The following CBX1 variants were observed in gnomAD, a reference collection of about 807,000 sequenced individuals.
CBX1 encodes chromobox protein homolog 1.
A neutral mutation model predicts 25.1 loss-of-function variants in CBX1; 10 were observed. That is an observed-to-expected ratio of 0.40 (90% CI 0.25 to 0.68). The LOEUF is 0.68. Ranked by LOEUF, CBX1 falls within the 30% of genes least tolerant of loss-of-function variation. The pLI, the probability that CBX1 is intolerant of heterozygous loss-of-function variation, is 0.40. For synonymous variants in CBX1, 63 were observed against 79.4 expected, an observed-to-expected ratio of 0.79 and a Z score of 1.10; for missense variants, 106 against 218.5, an observed-to-expected ratio of 0.49 and a Z score of 3.25.
intron 1 of CBX1, among the ~76,000 whole-genome samples, chr17:48,095,341 G>A (rs992640785): frequency 6.6e-6 from 1 of 152,186 alleles, no homozygotes; most frequent in Non-Finnish European, 1.5e-5. Context: ...TGTAATCCCA[G>A]CACTTTGGGA....
At chr17:48,093,828 T>C (rs1046245829) in intron 1 of CBX1, among the ~76,000 whole-genome samples, 1 of 152,134 alleles carries the variant, frequency 6.6e-6, no homozygotes, top group Non-Finnish European at 1.5e-5. Context: ...TATTAAGAAG[T>C]GTGGGCTTAG....
At chr17:48,096,549 A>G (rs1183386353) in intron 1 of CBX1, 1 of 181,648 alleles carries the variant, frequency 5.5e-6, no homozygotes, top group Non-Finnish European at 1.1e-5. Context: ...AGGTGGGTGG[A>G]TCACTTGAGG....
chr17:48,086,503 C>A (rs1172831116), intron 1 of CBX1, among the ~76,000 whole-genome samples: 1 of 152,186 alleles, frequency 6.6e-6, no homozygotes, highest in African/African-American at 2.4e-5. Flanking sequence ...GTAACACCTA[C>A]AGACCTAAGA....
At chr17:48,097,665 GT>G (rs1472080730) in intron 1 of CBX1, among the ~76,000 whole-genome samples, 1 of 151,408 alleles carries the variant, frequency 6.6e-6, no homozygotes, top group East Asian at 1.9e-4. Flanking sequence ...CGCACTCAAA[GT>G]GTCAACTATT....
rs1304325479 is a variant in CBX1 at position 48,070,223 on chromosome 17, A to C, written c.*1212T>G. Reference sequence around the variant, plus strand: ...AAGAACTGATGGTTCTCATGACTCAAGACAGAGCATTTTGGGTATGTTACT... The same window carrying C: ...AAGAACTGATGGTTCTCATGACTCACGACAGAGCATTTTGGGTATGTTACT... On this transcript the variant is annotated 3_prime_UTR_variant, in exon 5 of 5. Transcript: ENST00000225603. 1 of 152,684 alleles carries C rather than the reference A, an allele frequency of 6.5e-6. No homozygotes were observed. Among genetic ancestry groups the C allele is most frequent in the Non-Finnish European group, 1.5e-5 (1 of 68,052 alleles). 9.5% of individuals were successfully genotyped at this position (152,684 alleles called of 1,614,324 possible).
chr17:48,093,286 TAAAAAAAA>T (rs777087501), intron 1 of CBX1, among the ~76,000 whole-genome samples: 1 of 76,254 alleles, frequency 1.3e-5, no homozygotes, highest in Non-Finnish European at 2.9e-5. Flanking sequence ...AAAATAAAAT[TAAAAAAAA>T]AAAAAAAAGA....
chr17:48,089,260 C>A (rs2063330053), intron 1 of CBX1, among the ~76,000 whole-genome samples: 1 of 151,178 alleles, frequency 6.6e-6, no homozygotes, highest in African/African-American at 2.4e-5. Flanking sequence ...GCCACCACGC[C>A]CGGCTAATTT....
intron 1 of CBX1, among the ~76,000 whole-genome samples, chr17:48,078,472 C>T (rs1039496463): frequency 1.3e-5 from 2 of 151,794 alleles, no homozygotes; most frequent in Non-Finnish European, 2.9e-5. Flanking sequence ...GATTACAGAG[C>T]TGAGCCACCA....
chr17:48,096,699 C>T (rs2063377060), intron 1 of CBX1, among the ~76,000 whole-genome samples: 1 of 151,602 alleles, frequency 6.6e-6, no homozygotes, highest in Non-Finnish European at 1.5e-5. Flanking sequence ...CACTTGAACC[C>T]GGGAGGTGGA....
intron 1 of CBX1, chr17:48,096,341 T>C (rs2063374744): frequency 2.0e-6 from 2 of 985,144 alleles, no homozygotes; most frequent in South Asian, 4.7e-5. Context: ...GATTTTTGGG[T>C]TGAGAGGCCA....
chr17:48,077,074 G>C, intron 1 of CBX1, 33 bp from the exon 2 acceptor site: 1 of 1,524,402 alleles, frequency 6.6e-7, no homozygotes. Flanking sequence ...AAGGGCATTA[G>C]GGAGCACTCT....
rs1455937241 is a variant in CBX1, at chr17:48,076,034, T to C, written c.285A>G (p.Gly95=). The C allele has an allele frequency of 1.9e-6, 3 of 1,611,464 alleles. No individual in the cohort carries two copies. Among genetic ancestry groups the C allele is most frequent in the Non-Finnish European group, 2.5e-6 (3 of 1,178,050 alleles). Residue 95 remains glycine, a synonymous_variant, in exon 3 of 5, where the codon GGA becomes GGG. Transcript: ENST00000225603. ...RKADSDSEDK[G]EESKPKKKKE... is the part of the protein sequence containing the mutation. ...TCTTCTTCTTTGGTTTGCTCTCCTC[T>C]CCCTTATCTTCAGAATCAGAATCAG...
At chr17:48,080,611 AG>A (rs2037720745) in intron 1 of CBX1, among the ~76,000 whole-genome samples, 1 of 151,884 alleles carries the variant, frequency 6.6e-6, no homozygotes, top group African/African-American at 2.4e-5. Flanking sequence ...TGGCATGTAT[AG>A]ACAGAATGCA....
chr17:48,076,056 T>C lies in CBX1; in HGVS notation c.263A>G (p.Asp88Gly). 1 of 1,613,228 alleles carries C rather than the reference T, an allele frequency of 6.2e-7. No individual in the cohort carries two copies. The highest frequency in any genetic ancestry group is 8.5e-7 in the Non-Finnish European group (1 of 1,179,326). The change falls in exon 3 of 5, where the codon GAT (aspartate) becomes GGT (glycine). Residue 88 changes from aspartate (D) to glycine (G), a missense_variant. Physicochemically the swap from Asp to Gly is moderately conservative, Grantham distance 94. Transcript: ENST00000225603. ...DKSEGGKRKA[D>G]SDSEDKGEES... ...CTCTCCCTTATCTTCAGAATCAGAA[T>C]CAGCTTTGCGCTTGCCTCCCTCTGA...
intron 3 of CBX1, among the ~76,000 whole-genome samples, chr17:48,075,426 CT>C (rs1161646314): frequency 6.6e-6 from 1 of 152,134 alleles, no homozygotes. Context: ...ATCTCCTGAC[CT>C]TGTGATCCGC....
At chr17:48,086,073 T>TA (rs957921679) in intron 1 of CBX1, among the ~76,000 whole-genome samples, 36 of 151,718 alleles carry the variant, frequency 2.4e-4, no homozygotes, top group Non-Finnish European at 3.5e-4. Flanking sequence ...TCTGTCTCAA[T>TA]AAAAAACAAA....
At chr17:48,078,112 T>G (rs2037695413) in intron 1 of CBX1, among the ~76,000 whole-genome samples, 1 of 151,654 alleles carries the variant, frequency 6.6e-6, no homozygotes, top group Admixed American at 6.6e-5. Context: ...AATGTGCACA[T>G]ATCAATAAAA....
chr17:48,101,227 G>C (rs1419824974), intron 1 of CBX1, 41 bp downstream of exon 1: 1 of 989,886 alleles, frequency 1.0e-6, no homozygotes, highest in African/African-American at 1.7e-5. Flanking sequence ...CCGCCGCCGC[G>C]CCCCCTCCCC....
intron 1 of CBX1, among the ~76,000 whole-genome samples, chr17:48,091,535 CTTTTTTTTTTTTTTT>C (rs4053473): frequency 1.4e-5 from 1 of 72,188 alleles, no homozygotes. Context: ...CCACCATGCC[CTTTTTTTTTTTTTTT>C]TTTTTTTTTT....
Sources: allele counts gnomAD v4.1 joint callset (sites outside exome capture counted in the v4.1 genomes callset), GRCh38; gene constraint gnomAD v4.1.1; transcripts MANE v1.5; gene names NCBI Gene and HGNC (gene_info 2026-07-23, HGNC 2026-07-21).